DYNC2H1: variants seen among roughly 807,000 people sequenced by gnomAD.
DYNC2H1 encodes the protein dynein cytoplasmic 2 heavy chain 1.
Under a neutral mutation model 570.0 loss-of-function variants are expected in DYNC2H1, and 410 were observed. That is an observed-to-expected ratio of 0.72 (90% CI 0.66 to 0.78). The LOEUF (loss-of-function observed/expected upper bound fraction) is 0.78. DYNC2H1 is among the 30% of genes least tolerant of loss of function. The pLI, the probability that DYNC2H1 is intolerant of heterozygous loss-of-function variation, is 0.00. For missense variants in DYNC2H1, 4,865 were observed against 5,046.4 expected, an observed-to-expected ratio of 0.96 and a Z score of 1.09; for synonymous variants, 1,688 against 1,677.6, an observed-to-expected ratio of 1.01 and a Z score of -0.15.
At chr11:103,331,629 A>C (rs1031761893) in intron 82 of DYNC2H1, among the ~76,000 whole-genome samples, 2 of 152,204 alleles carry the variant, frequency 1.3e-5, no homozygotes, top group African/African-American at 4.8e-5. Context: ...CTTTCAAGAA[A>C]ACATTACAAA....
intron 85 of DYNC2H1, among the ~76,000 whole-genome samples, chr11:103,437,467 G>C (rs957512050): frequency 1.3e-5 from 2 of 151,732 alleles, no homozygotes; most frequent in African/African-American, 4.8e-5. Context: ...CAATTGTTTG[G>C]CTTCTATTAT....
At chr11:103,344,487 A>G (rs143786463) in intron 82 of DYNC2H1, among the ~76,000 whole-genome samples, 1 of 152,130 alleles carries the variant, frequency 6.6e-6, no homozygotes, top group Non-Finnish European at 1.5e-5. Context: ...CACCTGCTAC[A>G]CTTCCCTTGA....
intron 66 of DYNC2H1, among the ~76,000 whole-genome samples, chr11:103,253,949 T>G (rs760400525): frequency 6.6e-6 from 1 of 152,142 alleles, no homozygotes; most frequent in East Asian, 1.9e-4. Flanking sequence ...TGATTTTTCA[T>G]GTCCATACTC....
chr11:103,216,463 A>G (rs78402630), intron 55 of DYNC2H1, among the ~76,000 whole-genome samples: 3,501 of 151,990 alleles, frequency 0.023, 115 homozygotes, highest in African/African-American at 0.078. Flanking sequence ...CATCTTTTTT[A>G]TTCTTTATCC....
At chr11:103,404,564 G>A (rs544100864) in intron 84 of DYNC2H1, 1 of 147,554 alleles carries the variant, frequency 6.8e-6, no homozygotes, top group African/African-American at 2.5e-5. Flanking sequence ...GGCTGAGGAA[G>A]TGCTGTGGGG....
chr11:103,176,760 C>T (rs181074460), intron 37 of DYNC2H1, among the ~76,000 whole-genome samples: 3 of 152,212 alleles, frequency 2.0e-5, no homozygotes, highest in East Asian at 1.9e-4. Flanking sequence ...GGCTGGAGTG[C>T]GGTGGTGTGA....
chr11:103,178,828 T>C (rs936030790), intron 38 of DYNC2H1, among the ~76,000 whole-genome samples, 198 bp from the exon 39 acceptor site: 1 of 152,072 alleles, frequency 6.6e-6, no homozygotes, highest in Non-Finnish European at 1.5e-5. Context: ...TTGCCTATTT[T>C]GTATGTTTAT....
chr11:103,342,823 C>A (rs763988756), intron 82 of DYNC2H1, among the ~76,000 whole-genome samples: 5 of 152,082 alleles, frequency 3.3e-5, no homozygotes, highest in Admixed American at 2.0e-4. Flanking sequence ...CTGCAAAGTT[C>A]CACAGCTTCA....
chr11:103,317,068 T>C (rs890697911), intron 80 of DYNC2H1, among the ~76,000 whole-genome samples: 3 of 152,120 alleles, frequency 2.0e-5, no homozygotes, highest in Admixed American at 6.6e-5. Flanking sequence ...CCTAAGGCCA[T>C]CTAGCTATCA....
Position 103,135,558 on chromosome 11 carries a change from C to G in DYNC2H1, c.2269C>G (p.Leu757Val). The G allele has an allele frequency of 6.2e-7, 1 of 1,612,808 alleles. No homozygotes were observed. Among genetic ancestry groups the G allele is most frequent in the Non-Finnish European group, 8.5e-7 (1 of 1,179,442 alleles). ...CTGGAATCATCAACTGTACAAAGCT[C>G]TGGAGCATCAGTACCAGATGGGCTT... Reference protein sequence around the residue: ...QHWNHQLYKALEHQYQMGLEA... With the variant: ...QHWNHQLYKAVEHQYQMGLEA... Residue 757 changes from leucine to valine, a missense_variant, in exon 16 of 89, where the codon CTG (leucine) becomes GTG (valine). By Grantham distance (32) the Leu-to-Val change is conservative. Around this residue, in one of 5 missense-constraint regions of DYNC2H1, gnomAD observed 1,936 missense variants for 1,962.1 expected, o/e 0.99. Transcript: ENST00000375735.
chr11:103,373,511 A>T (rs1305592071), intron 83 of DYNC2H1, among the ~76,000 whole-genome samples: 1 of 151,920 alleles, frequency 6.6e-6, no homozygotes, highest in African/African-American at 2.4e-5. Context: ...AATTTCCCAA[A>T]TTTTTCTTAT....
At chr11:103,167,439 T>C (rs1861374404) in intron 31 of DYNC2H1, among the ~76,000 whole-genome samples, 1 of 152,004 alleles carries the variant, frequency 6.6e-6, no homozygotes, top group African/African-American at 2.4e-5. Flanking sequence ...GGCTGACTTT[T>C]TTATTTTTTG....
At chr11:103,355,169 T>C (rs1484898659) in intron 82 of DYNC2H1, among the ~76,000 whole-genome samples, 1 of 152,168 alleles carries the variant, frequency 6.6e-6, no homozygotes, top group African/African-American at 2.4e-5. Flanking sequence ...GTTGATGATG[T>C]TCTTGCTTAT....
rs767915459 is a variant in DYNC2H1 at position 103,199,966 on chromosome 11, A to G, written c.8089-80A>G. The G allele has an allele frequency of 2.3e-6, 2 of 882,578 alleles. No individual in the cohort carries two copies. Among genetic ancestry groups the G allele is most frequent in the Non-Finnish European group, 3.6e-6 (2 of 552,482 alleles). The allele number at this position is 882,578 out of a possible 1,614,324, so 54.7% of individuals were successfully genotyped here. On this transcript the variant is annotated intron_variant, in intron 49 of 88. Coordinates refer to ENST00000375735, the MANE Select transcript of DYNC2H1 (RefSeq NM_001377.3). This position sits in a 1 kb window ranked among gnomAD's most constrained non-coding sequence, Gnocchi z 4.6. ...TAAACACATGATACTGGCATACTTT[A>G]CATACAAATACAAAATGTTAATTTT...
intron 75 of DYNC2H1, among the ~76,000 whole-genome samples, chr11:103,292,276 T>C (rs1389553938): frequency 6.6e-6 from 1 of 152,058 alleles, no homozygotes; most frequent in Non-Finnish European, 1.5e-5. Flanking sequence ...TCCTTTGTGG[T>C]TACTATGAGG....
At position 103,185,819 on chromosome 11, in the gene DYNC2H1, C is replaced by T. The variant is rs1039635373; in HGVS notation, c.6634-423C>T. ...AAGGGCTAACTCTGCTTTATATATG[C>T]ATAGATAACAGTTTTCAGTATTAAA... On this transcript the variant is annotated intron_variant, in intron 41 of 88. Transcript: ENST00000375735. The surrounding 1 kb of genome is among the most constrained non-coding windows in gnomAD (Gnocchi z 4.5). 4.6e-5 allele frequency among the ~76,000 whole-genome samples: 7 copies of T among 151,852 alleles called. No homozygotes were observed. Among genetic ancestry groups the T allele is most frequent in the African/African-American group, 1.5e-4 (6 of 41,362 alleles).
rs1449717595 is a variant in DYNC2H1 at position 103,326,131 on chromosome 11, C to T, written c.12039+2141C>T. 1.3e-5 allele frequency among the ~76,000 whole-genome samples: 2 copies of T among 152,122 alleles called. No individual in the cohort carries two copies. The highest frequency in any genetic ancestry group is 4.8e-5 in the African/African-American group (2 of 41,436). ...TTAGTGTTGTAGTTTGGGCTTCAGT[C>T]CAATAGATGGCGCTTAGGAGTAGTG... On this transcript the variant is annotated intron_variant, in intron 82 of 88. Coordinates refer to ENST00000375735, the MANE Select transcript of DYNC2H1 (RefSeq NM_001377.3). The surrounding 1 kb of genome is among the most constrained non-coding windows in gnomAD (Gnocchi z 6.1).
intron 47 of DYNC2H1, among the ~76,000 whole-genome samples, chr11:103,197,638 G>A (rs1862554365): frequency 6.6e-6 from 1 of 151,984 alleles, no homozygotes; most frequent in African/African-American, 2.4e-5. Flanking sequence ...TATAGAGATG[G>A]AGTCTTGCTA....
At chr11:103,176,761 G>A (rs911073133) in intron 37 of DYNC2H1, among the ~76,000 whole-genome samples, 4 of 151,806 alleles carry the variant, frequency 2.6e-5, no homozygotes, top group South Asian at 4.1e-4. Flanking sequence ...GCTGGAGTGC[G>A]GTGGTGTGAT....
Sources: allele counts gnomAD v4.1 joint callset (sites outside exome capture counted in the v4.1 genomes callset), GRCh38; gene constraint gnomAD v4.1.1; regional missense constraint gnomAD v4.1.1; non-coding constraint Gnocchi (gnomAD v3.1); transcripts MANE v1.5; gene names NCBI Gene and HGNC (gene_info 2026-07-23, HGNC 2026-07-21).